The following CYP3A7 variants were observed in gnomAD, a reference collection of about 807,000 sequenced individuals.
The protein encoded by CYP3A7 is cytochrome P450 family 3 subfamily A member 7.
Under a neutral mutation model 55.2 loss-of-function variants are expected in CYP3A7, and 45 were observed. The observed-to-expected ratio is 0.82, with a 90% CI of 0.64 to 1.05. The LOEUF (loss-of-function observed/expected upper bound fraction) is 1.05, where lower values mean the gene tolerates loss of function less well. CYP3A7 is among the 50% of genes least tolerant of loss of function. The probability of loss-of-function intolerance (pLI) is 0.00; values close to 1 mark genes in which losing one functional copy is unlikely to be tolerated. For missense variants in CYP3A7, 548 were observed against 605.3 expected, an observed-to-expected ratio of 0.91 and a Z score of 0.99; for synonymous variants, 180 against 207.4, an observed-to-expected ratio of 0.87 and a Z score of 1.13.
rs182914378 is a variant in CYP3A7, at chr7:99,734,539, A to C, written c.71+484T>G. Among the ~76,000 whole-genome samples, 356 of 152,302 alleles carry C rather than the reference A, an allele frequency of 2.3e-3. 2 individuals are homozygous for C. Among genetic ancestry groups the C allele is most frequent in the Admixed American group, 4.4e-3 (67 of 15,304 alleles). ...CTTATTTATTCCTTTATAGATCTGC[A>C]AAACATCCATCATAACCTCTATATG... On this transcript the variant is annotated intron_variant, in intron 1 of 12. Transcript: ENST00000336374.
chr7:99,731,098 T>G lies in CYP3A7; in HGVS notation c.126A>C (p.Thr42=), dbSNP rs750866267. 1 of 1,613,666 alleles carries G rather than the reference T, an allele frequency of 6.2e-7. No individual in the cohort carries two copies. Among genetic ancestry groups the G allele is most frequent in the Non-Finnish European group, 8.5e-7 (1 of 1,179,782 alleles). The part of the protein sequence containing the change: ...LFKKLGIPGP[T]PLPFLGNALS... ...AAGCATTTCCCAAAAAAGGCAGAGG[T>G]GTGGGCCCTGGAATTCCAAGCTTCT... The change falls in exon 2 of 13, where the codon ACA becomes ACC. Residue 42 remains threonine (T), a synonymous_variant. Coordinates refer to ENST00000336374, the MANE Select transcript of CYP3A7 (RefSeq NM_000765.5).
chr7:99,730,791 C>A (rs183443883), intron 2 of CYP3A7: 4 of 427,054 alleles, frequency 9.4e-6, no homozygotes, highest in African/African-American at 2.0e-5. Flanking sequence ...CTTTATGGTG[C>A]TCACAAAGTC....
At chr7:99,717,710 T>C in intron 4 of CYP3A7, 71 bp from the exon 5 acceptor site, 1 of 1,551,094 alleles carries the variant, frequency 6.4e-7, no homozygotes, top group Non-Finnish European at 8.8e-7. Flanking sequence ...GAAAATGTGT[T>C]AAACAGGCAT....
chr7:99,725,260 T>TA (rs1354536427), intron 2 of CYP3A7, among the ~76,000 whole-genome samples: 1 of 152,150 alleles, frequency 6.6e-6, no homozygotes, highest in Non-Finnish European at 1.5e-5. Context: ...GCCTTATCCT[T>TA]AATATGCATT....
At chr7:99,732,032 GC>G (rs1814648068) in intron 1 of CYP3A7, among the ~76,000 whole-genome samples, 2 of 152,128 alleles carry the variant, frequency 1.3e-5, no homozygotes, top group Non-Finnish European at 2.9e-5. Context: ...CTGAATCTGT[GC>G]CCCTACCCAA....
rs764242794 is a variant in CYP3A7 at position 99,708,295 on chromosome 7, A to G, written c.1254-321T>C. ...CACTACAAAAGGCACATAAGTGATG[A>G]GAATGACTGACAGAAAAGTAGATTC... On this transcript the variant is annotated intron_variant, in intron 11 of 12. Transcript: ENST00000336374. Among the ~76,000 whole-genome samples the G allele has an allele frequency of 5.3e-5, 8 of 152,206 alleles. 1 individual carries two copies. The highest frequency in any genetic ancestry group is 1.0e-4 in the Non-Finnish European group (7 of 68,026).
At chr7:99,720,097 G>A (rs1814134294) in intron 4 of CYP3A7, among the ~76,000 whole-genome samples, 1 of 152,158 alleles carries the variant, frequency 6.6e-6, no homozygotes, top group African/African-American at 2.4e-5. Context: ...TCTGTGAACT[G>A]TATCAATGTT....
chr7:99,720,182 ATGGGCAGGATGAAG>A, intron 4 of CYP3A7, 117 bp downstream of exon 4: 1 of 1,081,034 alleles, frequency 9.3e-7, no homozygotes, highest in Non-Finnish European at 1.4e-6. Flanking sequence ...ACCATGGGGG[ATGGGCAGGATGAAG>A]TGTACATGGA....
chr7:99,707,675 G>A, intron 12 of CYP3A7, 137 bp downstream of exon 12: 1 of 1,404,778 alleles, frequency 7.1e-7, no homozygotes, highest in Admixed American at 2.1e-5. Flanking sequence ...AAAGATCATA[G>A]ATGGGTCCAA....
At chr7:99,714,750 C>T (rs1270688409) in intron 7 of CYP3A7, 68 bp from the exon 8 acceptor site, 1 of 1,582,186 alleles carries the variant, frequency 6.3e-7, no homozygotes, top group East Asian at 2.3e-5. Context: ...TGGAGCAATT[C>T]TAATTTTCTC....
intron 2 of CYP3A7, among the ~76,000 whole-genome samples, chr7:99,724,607 C>G (rs1012501622): frequency 4.6e-5 from 7 of 152,068 alleles, no homozygotes; most frequent in Non-Finnish European, 8.8e-5. Context: ...CCAATTCTTC[C>G]TCATCCTCTG....
At chr7:99,705,650 GTA>G (rs1345010691) in intron 12 of CYP3A7, 55 bp from the exon 13 acceptor site, 1 of 1,597,562 alleles carries the variant, frequency 6.3e-7, no homozygotes, top group East Asian at 2.2e-5. Flanking sequence ...AAAGTAGAAA[GTA>G]TAGCATCAAA....
intron 12 of CYP3A7, among the ~76,000 whole-genome samples, chr7:99,706,740 A>T (rs1023211384): frequency 6.6e-6 from 1 of 152,252 alleles, no homozygotes; most frequent in African/African-American, 2.4e-5. Flanking sequence ...AAATACATGA[A>T]TGTCATTTGC....
chr7:99,724,435 T>C (rs1814328846), intron 2 of CYP3A7, among the ~76,000 whole-genome samples: 1 of 152,182 alleles, frequency 6.6e-6, no homozygotes, highest in Non-Finnish European at 1.5e-5. Context: ...CTCCCTAGTC[T>C]CTGCTCCCAG....
In CYP3A7 at chr7:99,707,796, C is replaced by G; in HGVS notation, c.1416+16G>C. Reference sequence around the variant, plus strand: ...AATTGTTAATAAAACATTATTAATGCAGAAAATTGACTGACCTGTGTTTCT... The same window carrying G: ...AATTGTTAATAAAACATTATTAATGGAGAAAATTGACTGACCTGTGTTTCT... On this transcript the variant is annotated intron_variant, in intron 12 of 12. Transcript: ENST00000336374. The G allele has an allele frequency of 6.2e-7, 1 of 1,613,562 alleles. No homozygotes were observed.
rs769521091 is a variant in CYP3A7, at chr7:99,731,037, G to C, written c.165+22C>G. 2.5e-6 allele frequency: 4 copies of C among 1,613,316 alleles called. No homozygotes were observed. The South Asian group carries it at 4.4e-5, about 18-fold the overall frequency. On this transcript the variant is annotated intron_variant, in intron 2 of 12. Transcript: ENST00000336374. The stretch of plus-strand genomic sequence containing the variant: ...CTCTTTGCAATCATAAGAAGCAAAA[G>C]AGGAAGCTCAAAAACACTCACCTTA...
In CYP3A7 at chr7:99,710,602, G is replaced by A. The variant is rs544223592; in HGVS notation, c.1026+130C>T. 1.5e-4 allele frequency: 231 copies of A among 1,499,852 alleles called. No individual in the cohort carries two copies. The African/African-American group carries it at 2.7e-3, about 17-fold the overall frequency. 92.9% of individuals were successfully genotyped at this position (1,499,852 alleles called of 1,614,324 possible). A position where few individuals can be genotyped will look rare whatever the true frequency, so the allele number is the denominator to read the frequency against. On this transcript the variant is annotated intron_variant, in intron 10 of 12. Transcript: ENST00000336374. ...ATGCTTCCTTCTTTTTATTTTGAGA[G>A]CCTTCCTACATATTGTGAATGAAAC...
intron 4 of CYP3A7, among the ~76,000 whole-genome samples, chr7:99,718,090 G>A (rs1288772814): frequency 6.6e-6 from 1 of 152,122 alleles, no homozygotes; most frequent in Admixed American, 6.5e-5. Context: ...CATGGACACA[G>A]GAAGGGGAAC....
chr7:99,720,906 C>A (rs543675557), intron 3 of CYP3A7: 10 of 169,040 alleles, frequency 5.9e-5, no homozygotes, highest in Non-Finnish European at 1.3e-4. Context: ...CCTTTCTACT[C>A]AGTCATGTTG....
Sources: allele counts gnomAD v4.1 joint callset (sites outside exome capture counted in the v4.1 genomes callset), GRCh38; gene constraint gnomAD v4.1.1; transcripts MANE v1.5; gene names NCBI Gene and HGNC (gene_info 2026-07-23, HGNC 2026-07-21).